Variants in PTPRD observed in about 807,000 individuals in gnomAD.
PTPRD encodes the protein protein tyrosine phosphatase receptor type D.
Under a neutral mutation model 214.5 loss-of-function variants are expected in PTPRD, and 34 were observed. The observed-to-expected ratio is 0.16, with a 90% CI of 0.12 to 0.21. The LOEUF is 0.21. Ranked by LOEUF, PTPRD falls within the 10% of genes least tolerant of loss-of-function variation. The pLI, the probability that PTPRD is intolerant of heterozygous loss-of-function variation, is 1.00. For missense variants in PTPRD, 2,545 were observed against 2,398.7 expected, an observed-to-expected ratio of 1.06 and a Z score of -1.27; for synonymous variants, 1,128 against 845.7, an observed-to-expected ratio of 1.33 and a Z score of -5.79.
At chr9:10,092,259 T>C (rs1202468093) in intron 3 of PTPRD, among the ~76,000 whole-genome samples, 1 of 151,428 alleles carries the variant, frequency 6.6e-6, no homozygotes. Context: ...CCCATTTAGA[T>C]ATATAATTGC....
chr9:9,041,972 T>G (rs1271825780), intron 10 of PTPRD, among the ~76,000 whole-genome samples: 5 of 152,154 alleles, frequency 3.3e-5, no homozygotes, highest in Admixed American at 3.3e-4. Flanking sequence ...GACAATATAT[T>G]TCTTAGAAGG....
At chr9:9,076,399 G>C (rs779763951) in intron 10 of PTPRD, among the ~76,000 whole-genome samples, 4 of 151,970 alleles carry the variant, frequency 2.6e-5, no homozygotes, top group Non-Finnish European at 4.4e-5. Context: ...AGTTTAATTA[G>C]TGTAAGTGTT....
Position 8,572,079 on chromosome 9 carries a change from C to A in PTPRD, c.353-43300G>T, listed in dbSNP as rs75147134. 9.9e-3 allele frequency among the ~76,000 whole-genome samples: 1,512 copies of A among 152,000 alleles called. 23 individuals carry two copies. Among genetic ancestry groups the A allele is most frequent in the African/African-American group, 0.035 (1,431 of 41,454 alleles). ...CCGCAAAGCAAAATGCATTTTTTCA[C>A]GTAATTTAGAAATATATTCAGGTAG... is the stretch of plus-strand genomic sequence containing the variant. On this transcript the variant is annotated intron_variant, in intron 14 of 45. Transcript: ENST00000381196.
intron 21 of PTPRD, among the ~76,000 whole-genome samples, chr9:8,510,118 T>C (rs1423887636): frequency 6.6e-6 from 1 of 151,790 alleles, no homozygotes; most frequent in South Asian, 2.1e-4. Context: ...ACCCTGTCTC[T>C]ACAAAATAAT....
intron 2 of PTPRD, among the ~76,000 whole-genome samples, chr9:10,468,811 GA>G (rs2131608543): frequency 6.6e-6 from 1 of 152,070 alleles, no homozygotes; most frequent in African/African-American, 2.4e-5. Context: ...TGGTTACTAG[GA>G]AGGCAAAAAT....
chr9:9,063,318 T>C (rs992389454), intron 10 of PTPRD, among the ~76,000 whole-genome samples: 2 of 152,146 alleles, frequency 1.3e-5, no homozygotes, highest in African/African-American at 4.8e-5. Flanking sequence ...CCTAAGAAGG[T>C]AAAAAATTGT....
intron 10 of PTPRD, among the ~76,000 whole-genome samples, chr9:9,159,511 G>C (rs1376157880): frequency 6.6e-6 from 1 of 152,024 alleles, no homozygotes; most frequent in Non-Finnish European, 1.5e-5. Flanking sequence ...GGAGGTGAAA[G>C]ATCTGTATAC....
chr9:9,545,231 G>A (rs2078504959), intron 8 of PTPRD, among the ~76,000 whole-genome samples: 2 of 151,620 alleles, frequency 1.3e-5, no homozygotes, highest in Non-Finnish European at 3.0e-5. Context: ...AATGTATAAC[G>A]ACACACACTT....
intron 35 of PTPRD, among the ~76,000 whole-genome samples, chr9:8,428,026 T>G (rs1158218202): frequency 6.6e-6 from 1 of 152,214 alleles, no homozygotes; most frequent in Non-Finnish European, 1.5e-5. Flanking sequence ...GTACTATGAC[T>G]GCTTCTTTAT....
intron 12 of PTPRD, among the ~76,000 whole-genome samples, chr9:8,698,783 CTGTT>C (rs1404843211): frequency 1.3e-5 from 2 of 152,122 alleles, no homozygotes; most frequent in African/African-American, 4.8e-5. Context: ...TGTTACCAAT[CTGTT>C]TGGTTGGGGA....
chr9:10,513,047 G>GACAA lies in PTPRD; in HGVS notation c.-600+99347_-600+99350dup, dbSNP rs2048827597. 3.3e-5 allele frequency among the ~76,000 whole-genome samples: 5 copies of GACAA among 152,146 alleles called. No homozygotes were observed. The South Asian group carries it at 1.0e-3, about 32-fold the overall frequency. ...TGATTTTTGTGTTATCAGAGCCAAA[G>GACAA]ACAACCTGGTGAAAAATAGCTGAGG... On this transcript the variant is annotated intron_variant, in intron 2 of 45. Coordinates refer to ENST00000381196, the MANE Select transcript of PTPRD (RefSeq NM_002839.4).
intron 3 of PTPRD, among the ~76,000 whole-genome samples, chr9:10,139,483 C>T (rs2098967124): frequency 6.6e-6 from 1 of 151,460 alleles, no homozygotes; most frequent in Non-Finnish European, 1.5e-5. Context: ...GTATTCCTAC[C>T]AAACTATCAA....
chr9:8,918,960 C>G (rs141993847), intron 11 of PTPRD, among the ~76,000 whole-genome samples: 2 of 151,984 alleles, frequency 1.3e-5, no homozygotes, highest in East Asian at 3.9e-4. Flanking sequence ...CTACAAAGTT[C>G]GACTGAAAAA....
intron 3 of PTPRD, among the ~76,000 whole-genome samples, chr9:10,111,023 G>A (rs1025867057): frequency 6.6e-6 from 1 of 151,948 alleles, no homozygotes; most frequent in Non-Finnish European, 1.5e-5. Context: ...GAGAGTGCTG[G>A]GTTCTAGAAC....
intron 9 of PTPRD, among the ~76,000 whole-genome samples, chr9:9,329,160 C>A (rs896652000): frequency 2.0e-5 from 3 of 151,918 alleles, no homozygotes; most frequent in African/African-American, 4.8e-5. Context: ...GTAATGACAA[C>A]GAGAGTCATC....
intron 6 of PTPRD, among the ~76,000 whole-genome samples, chr9:9,761,037 A>G (rs2098651028): frequency 6.6e-6 from 1 of 152,186 alleles, no homozygotes; most frequent in Non-Finnish European, 1.5e-5. Flanking sequence ...CAATCTAGCA[A>G]CTGTAGTCTT....
At chr9:9,064,311 T>C (rs10977464) in intron 10 of PTPRD, among the ~76,000 whole-genome samples, 28,751 of 152,126 alleles carry the variant, frequency 0.19, 2,860 homozygotes, top group South Asian at 0.25. Context: ...TCCAGAACAC[T>C]CTATCATAGA....
chr9:9,633,906 G>A (rs766613647), intron 7 of PTPRD, among the ~76,000 whole-genome samples: 19 of 152,034 alleles, frequency 1.2e-4, no homozygotes, highest in Non-Finnish European at 2.5e-4. Flanking sequence ...AAAACCACCT[G>A]TATGTAAATC....
intron 37 of PTPRD, among the ~76,000 whole-genome samples, chr9:8,387,060 C>T (rs965162555): frequency 2.6e-5 from 4 of 152,138 alleles, no homozygotes; most frequent in Non-Finnish European, 5.9e-5. Context: ...TGCAGGTCAT[C>T]ACAAATCTGG....
Sources: allele counts gnomAD v4.1 joint callset (sites outside exome capture counted in the v4.1 genomes callset), GRCh38; gene constraint gnomAD v4.1.1; transcripts MANE v1.5; gene names NCBI Gene and HGNC (gene_info 2026-07-23, HGNC 2026-07-21).